Variants in UNC5C observed in about 807,000 individuals in gnomAD.
UNC5C encodes netrin receptor UNC5C.
UNC5C carries 47 observed loss-of-function variants against 99.8 expected under a neutral mutation model. The ratio of observed to expected loss-of-function variants is 0.47; its 90% CI spans 0.37 to 0.60. The LOEUF (loss-of-function observed/expected upper bound fraction) is 0.60, where lower values mean the gene tolerates loss of function less well. UNC5C is among the 20% of genes least tolerant of loss of function. UNC5C has a pLI of 0.00. For missense variants in UNC5C, 1,062 were observed against 1,165.9 expected, an observed-to-expected ratio of 0.91 and a Z score of 1.30; for synonymous variants, 487 against 452.2, an observed-to-expected ratio of 1.08 and a Z score of -0.98.
At chr4:95,548,619 C>G in intron 1 of UNC5C, 115 bp downstream of exon 1, 1 of 1,301,412 alleles carries the variant, frequency 7.7e-7, no homozygotes. Context: ...AGAGTGGTTT[C>G]CAGTTGAAAG....
intron 15 of UNC5C, 143 bp from the exon 16 acceptor site, chr4:95,169,542 C>T: frequency 2.3e-6 from 2 of 882,914 alleles, no homozygotes; most frequent in Non-Finnish European, 3.4e-6. Flanking sequence ...AATAACTAGC[C>T]CATGCTTAAT....
chr4:95,502,396 G>C lies in UNC5C; in HGVS notation c.124+46338C>G, dbSNP rs533533316. Among the ~76,000 whole-genome samples, 9 of 152,152 alleles carry C rather than the reference G, an allele frequency of 5.9e-5. No individual in the cohort carries two copies. In the South Asian group the frequency reaches 1.5e-3, roughly 25 times the overall value. ...CGATCCTCCCCTTTCGGCCTCCCAA[G>C]CAGCTGGGACAACAGTTGCACACCA... is the stretch of plus-strand genomic sequence containing the variant. On this transcript the variant is annotated intron_variant, in intron 1 of 15. Coordinates refer to ENST00000453304, the MANE Select transcript of UNC5C (RefSeq NM_003728.4).
chr4:95,479,860 A>G (rs932054343), intron 1 of UNC5C, among the ~76,000 whole-genome samples: 2 of 151,946 alleles, frequency 1.3e-5, no homozygotes, highest in African/African-American at 2.4e-5. Flanking sequence ...ATGGGAATCA[A>G]TGGACCGAGT....
At chr4:95,338,010 C>T (rs1479757424) in intron 1 of UNC5C, among the ~76,000 whole-genome samples, 2 of 151,982 alleles carry the variant, frequency 1.3e-5, no homozygotes, top group Non-Finnish European at 2.9e-5. Context: ...ACTTCTATTA[C>T]TCAACTCAGT....
At chr4:95,204,697 G>A (rs1259918089) in intron 11 of UNC5C, among the ~76,000 whole-genome samples, 8 of 152,244 alleles carry the variant, frequency 5.3e-5, no homozygotes, top group African/African-American at 1.9e-4. Context: ...GCAGGGGCAG[G>A]AATCATGTCG....
chr4:95,334,919 G>A (rs931424705), intron 2 of UNC5C, among the ~76,000 whole-genome samples: 2 of 151,990 alleles, frequency 1.3e-5, no homozygotes, highest in Non-Finnish European at 2.9e-5. Flanking sequence ...CACTTTGGAT[G>A]TAAGTTATGA....
At chr4:95,348,539 A>C (rs1181871443) in intron 1 of UNC5C, among the ~76,000 whole-genome samples, 1 of 150,986 alleles carries the variant, frequency 6.6e-6, no homozygotes, top group Admixed American at 6.6e-5. Context: ...ACGGATAAAG[A>C]AAATGTGGTA....
intron 1 of UNC5C, among the ~76,000 whole-genome samples, chr4:95,379,773 A>G (rs949852511): frequency 3.3e-5 from 5 of 152,154 alleles, no homozygotes; most frequent in African/African-American, 1.2e-4. Context: ...CAGAATAAGA[A>G]CGGCTTGGTA....
chr4:95,176,974 C>T (rs184844821), intron 14 of UNC5C, among the ~76,000 whole-genome samples: 25 of 151,708 alleles, frequency 1.6e-4, no homozygotes, highest in South Asian at 4.2e-4. Context: ...GTGGGAAAAG[C>T]GCAGTACTTG....
chr4:95,268,972 T>G (rs1052710358), intron 4 of UNC5C, among the ~76,000 whole-genome samples: 6 of 152,188 alleles, frequency 3.9e-5, no homozygotes, highest in Non-Finnish European at 8.8e-5. Context: ...AAATGTACAC[T>G]CAGCCAAGCC....
rs73837581 is a variant in UNC5C, at chr4:95,370,587, G to A, written c.125-34956C>T. 5.9e-3 allele frequency among the ~76,000 whole-genome samples: 891 copies of A among 152,202 alleles called. 9 individuals are homozygous for A. The highest frequency in any genetic ancestry group is 0.019 in the African/African-American group (777 of 41,518). The stretch of plus-strand genomic sequence containing the variant: ...AAGTAGAGCCTACATGAAAAGAAAG[G>A]TTTATTTGTACTCATTTTCAGCTAA... On this transcript the variant is annotated intron_variant, in intron 1 of 15. Transcript: ENST00000453304.
chr4:95,492,127 AAT>A (rs1418116216), intron 1 of UNC5C, among the ~76,000 whole-genome samples: 2 of 151,268 alleles, frequency 1.3e-5, no homozygotes, highest in African/African-American at 2.4e-5. Context: ...TCTAATATAA[AAT>A]AGGCTATATT....
intron 14 of UNC5C, among the ~76,000 whole-genome samples, chr4:95,176,084 T>C (rs1197139313): frequency 2.0e-5 from 3 of 151,456 alleles, no homozygotes; most frequent in Non-Finnish European, 4.4e-5. Context: ...GCCTTGGTTT[T>C]CAGCTCCATC....
intron 1 of UNC5C, among the ~76,000 whole-genome samples, chr4:95,468,193 C>T (rs1267756344): frequency 6.6e-6 from 1 of 151,446 alleles, no homozygotes; most frequent in Non-Finnish European, 1.5e-5. Flanking sequence ...CTTCCTTCCA[C>T]CATTTGCTTT....
At chr4:95,417,423 G>T (rs1458777337) in intron 1 of UNC5C, among the ~76,000 whole-genome samples, 1 of 152,198 alleles carries the variant, frequency 6.6e-6, no homozygotes, top group South Asian at 2.1e-4. Flanking sequence ...TCATGCACTT[G>T]TTGCATAGTG....
At chr4:95,534,251 T>TTGTC (rs1722721162) in intron 1 of UNC5C, among the ~76,000 whole-genome samples, 1 of 152,128 alleles carries the variant, frequency 6.6e-6, no homozygotes, top group South Asian at 2.1e-4. Context: ...GGTGACTGAG[T>TTGTC]TGTCCTTGTT....
intron 3 of UNC5C, among the ~76,000 whole-genome samples, chr4:95,278,577 C>T (rs369033784): frequency 2.0e-5 from 3 of 151,714 alleles, no homozygotes; most frequent in South Asian, 2.1e-4. Flanking sequence ...TGGGCTCAAG[C>T]GATCCTCCTG....
At chr4:95,471,563 A>G (rs1379961201) in intron 1 of UNC5C, among the ~76,000 whole-genome samples, 1 of 152,128 alleles carries the variant, frequency 6.6e-6, no homozygotes, top group African/African-American at 2.4e-5. Flanking sequence ...CCCTGACCCA[A>G]GACTCACTGC....
At chr4:95,205,649 AT>A (rs1737848965) in intron 11 of UNC5C, among the ~76,000 whole-genome samples, 1 of 152,010 alleles carries the variant, frequency 6.6e-6, no homozygotes. Context: ...CCTATTTTAT[AT>A]GTTTTACATT....
Sources: gnomAD v4.1 joint callset for allele counts (sites outside exome capture counted in the v4.1 genomes callset) on GRCh38, gnomAD v4.1.1 for gene constraint, MANE v1.5 for transcripts, NCBI Gene and HGNC (gene_info 2026-07-23, HGNC 2026-07-21) for gene names.